The following CSRNP3 variants were observed in gnomAD, a reference collection of about 807,000 sequenced individuals.
CSRNP3 encodes cysteine/serine-rich nuclear protein 3.
Under a neutral mutation model 48.0 loss-of-function variants are expected in CSRNP3, and 12 were observed. The observed-to-expected ratio is 0.25, with a 90% CI of 0.16 to 0.41. The LOEUF (loss-of-function observed/expected upper bound fraction) is 0.41. Ranked by LOEUF, CSRNP3 falls within the 10% of genes least tolerant of loss-of-function variation. CSRNP3 has a pLI of 1.00. For synonymous variants in CSRNP3, 263 were observed against 269.7 expected (o/e 0.98, Z 0.24); for missense variants, 580 against 724.4 (o/e 0.80, Z 2.29).
At chr2:165,653,672 A>G (rs1246803996) in intron 4 of CSRNP3, among the ~76,000 whole-genome samples, 2 of 152,084 alleles carry the variant, frequency 1.3e-5, no homozygotes, top group Non-Finnish European at 2.9e-5. Context: ...AAAAGTAAGT[A>G]CTAAAATTAC....
intron 1 of CSRNP3, among the ~76,000 whole-genome samples, chr2:165,494,478 A>T (rs1684260156): frequency 1.3e-5 from 2 of 152,244 alleles, no homozygotes; most frequent in South Asian, 4.1e-4. Flanking sequence ...CCATTTTGAC[A>T]TTTCAAAACA....
rs370714897 is a variant in CSRNP3, at chr2:165,514,946, G to GA, written c.-112-2926dup. 2.2e-3 allele frequency among the ~76,000 whole-genome samples: 329 copies of GA among 152,298 alleles called. 4 individuals are homozygous for GA. Among genetic ancestry groups the GA allele is most frequent in the African/African-American group, 7.4e-3 (308 of 41,578 alleles). ...GCATGAGATTTATTTTTATATCCTT[G>GA]ACTTTCAAACAGGTTAGAGTTTGAA... On this transcript the variant is annotated intron_variant, in intron 2 of 6. Coordinates refer to ENST00000651982, the MANE Select transcript of CSRNP3 (RefSeq NM_001172173.2).
chr2:165,595,268 T>C, intron 4 of CSRNP3, 55 bp downstream of exon 4: 2 of 1,467,674 alleles, frequency 1.4e-6, no homozygotes, highest in South Asian at 1.3e-5. Context: ...GCAAAACTAA[T>C]TGTGTCATTT....
intron 3 of CSRNP3, among the ~76,000 whole-genome samples, chr2:165,555,812 T>C (rs1215159395): frequency 6.6e-6 from 1 of 152,236 alleles, no homozygotes; most frequent in East Asian, 1.9e-4. Context: ...GAAGAGCATG[T>C]GCAATTTCAT....
intron 5 of CSRNP3, among the ~76,000 whole-genome samples, chr2:165,668,253 T>C (rs73972133): frequency 0.014 from 2,079 of 152,222 alleles, 55 homozygotes; most frequent in African/African-American, 0.047. Context: ...GTCCTCTCCA[T>C]TAGAAAGGCC....
intron 5 of CSRNP3, among the ~76,000 whole-genome samples, chr2:165,665,775 A>AGAGAGAGAGAGAGAG (rs1687171026): frequency 7.6e-6 from 1 of 131,196 alleles, no homozygotes; most frequent in African/African-American, 3.1e-5. Context: ...AAAAGAAAGA[A>AGAGAGAGAGAGAGAG]AGAGAGAGAG....
At position 165,681,050 on chromosome 2, in the gene CSRNP3, GC is replaced by G. The variant is rs1687528646; in HGVS notation, c.*1298del. ...CTAGCAGAACAGTCCAGAATGCATT[GC>G]ATACTTTCTAATTACCTCACATTCT... On this transcript the variant is annotated 3_prime_UTR_variant, in exon 7 of 7. Coordinates refer to ENST00000651982, the MANE Select transcript of CSRNP3 (RefSeq NM_001172173.2). The G allele has an allele frequency of 6.6e-6, 1 of 152,116 alleles. No homozygotes were observed. Among genetic ancestry groups the G allele is most frequent in the African/African-American group, 2.4e-5 (1 of 41,426 alleles). 9.4% of individuals were successfully genotyped at this position (152,116 alleles called of 1,614,324 possible).
chr2:165,648,551 C>T (rs1455859862), intron 4 of CSRNP3, among the ~76,000 whole-genome samples: 3 of 151,826 alleles, frequency 2.0e-5, no homozygotes, highest in Non-Finnish European at 2.9e-5. Context: ...GAGCTGTACC[C>T]CCTCTTAAAT....
chr2:165,511,948 A>G (rs1005614228), intron 2 of CSRNP3, among the ~76,000 whole-genome samples: 1 of 152,138 alleles, frequency 6.6e-6, no homozygotes, highest in African/African-American at 2.4e-5. Flanking sequence ...AGTTTGAAGA[A>G]GAGAGAGAGA....
In CSRNP3 at chr2:165,634,051, AT is replaced by A. The variant is rs1455318864; in HGVS notation, c.149-23707del. On this transcript the variant is annotated intron_variant, in intron 4 of 6. Coordinates refer to ENST00000651982, the MANE Select transcript of CSRNP3 (RefSeq NM_001172173.2). The stretch of plus-strand genomic sequence containing the variant: ...TCATAGACTATCTTTGTAAAACATT[AT>A]TTGAGGTCCAGCCCCGTGGCTCACA... Among the ~76,000 whole-genome samples the A allele has an allele frequency of 7.9e-5, 12 of 152,296 alleles. No homozygotes were observed. The East Asian group carries it at 2.3e-3, about 29-fold the overall frequency.
intron 3 of CSRNP3, among the ~76,000 whole-genome samples, chr2:165,592,372 G>A (rs758133906): frequency 2.6e-5 from 4 of 152,160 alleles, no homozygotes; most frequent in Non-Finnish European, 5.9e-5. Flanking sequence ...CAGATGAGAC[G>A]TTGGACTTCG....
At chr2:165,566,982 AG>A (rs1416126463) in intron 3 of CSRNP3, 1 of 152,118 alleles carries the variant, frequency 6.6e-6, no homozygotes, top group Non-Finnish European at 1.5e-5. Context: ...TCATTCTATT[AG>A]CCAAGTATTT....
chr2:165,490,646 A>C (rs1261109360), intron 1 of CSRNP3, among the ~76,000 whole-genome samples: 2 of 137,790 alleles, frequency 1.5e-5, no homozygotes, highest in South Asian at 2.6e-4. Context: ...ATAACGCCGC[A>C]TACCTACAAC....
chr2:165,573,925 A>C (rs746889202), intron 3 of CSRNP3, among the ~76,000 whole-genome samples: 3 of 152,196 alleles, frequency 2.0e-5, no homozygotes, highest in Non-Finnish European at 2.9e-5. Flanking sequence ...TAAATGAAGC[A>C]TTTGACTATT....
intron 4 of CSRNP3, among the ~76,000 whole-genome samples, chr2:165,647,493 T>C (rs1479226890): frequency 1.3e-5 from 2 of 152,198 alleles, no homozygotes; most frequent in African/African-American, 2.4e-5. Context: ...AAAATATTAA[T>C]GTTATCTAAA....
intron 3 of CSRNP3, among the ~76,000 whole-genome samples, chr2:165,573,940 T>C (rs1685408772): frequency 6.6e-6 from 1 of 152,130 alleles, no homozygotes; most frequent in African/African-American, 2.4e-5. Flanking sequence ...ACTATTTGGG[T>C]TTCCTTGGTT....
At position 165,684,459 on chromosome 2, in the gene CSRNP3, G is replaced by A. The variant is rs1687597178; in HGVS notation, c.*4706G>A. On this transcript the variant is annotated 3_prime_UTR_variant, in exon 7 of 7. Transcript: ENST00000651982. Reference sequence around the variant, plus strand: ...GTGTATTAAATACCAGGCTTTAATGGGAAGCACCTTTGTGCTTTCAAAGGC... The same window carrying A: ...GTGTATTAAATACCAGGCTTTAATGAGAAGCACCTTTGTGCTTTCAAAGGC... 6.6e-6 allele frequency: 1 copy of A among 151,972 alleles called. No homozygotes were observed. The highest frequency in any genetic ancestry group is 1.5e-5 in the Non-Finnish European group (1 of 67,972). The allele number at this position is 151,972 out of a possible 1,614,324, so 9.4% of individuals were successfully genotyped here.
chr2:165,562,745 G>A (rs1012346165), intron 3 of CSRNP3, among the ~76,000 whole-genome samples: 1 of 152,144 alleles, frequency 6.6e-6, no homozygotes, highest in African/African-American at 2.4e-5. Context: ...ATATGAATAA[G>A]ACAAGGCCTT....
At chr2:165,483,416 TAC>T (rs1419714252) in intron 1 of CSRNP3, among the ~76,000 whole-genome samples, 55 of 152,388 alleles carry the variant, frequency 3.6e-4, no homozygotes, top group African/African-American at 1.3e-3. Flanking sequence ...CAGTTGCTAA[TAC>T]AGTTGTTTCT....
Sources: gnomAD v4.1 joint callset for allele counts (sites outside exome capture counted in the v4.1 genomes callset) on GRCh38, gnomAD v4.1.1 for gene constraint, MANE v1.5 for transcripts, NCBI Gene and HGNC (gene_info 2026-07-23, HGNC 2026-07-21) for gene names.